The following TMEM200A variants were observed in gnomAD, a reference collection of about 807,000 sequenced individuals.
TMEM200A encodes the protein transmembrane protein 200A.
In TMEM200A, 12 loss-of-function variants were observed where a neutral mutation model predicts 24.3. The observed-to-expected ratio is 0.49, with a 90% CI of 0.32 to 0.80. TMEM200A has a LOEUF of 0.80. TMEM200A is among the 30% of genes least tolerant of loss of function. TMEM200A has a pLI of 0.04. For missense variants in TMEM200A, 545 were observed against 614.4 expected (o/e 0.89, Z 1.19); for synonymous variants, 224 against 224.4 (o/e 1.00, Z 0.02).
chr6:130,428,509 C>T lies in TMEM200A; in HGVS notation c.-16-11898C>T, dbSNP rs567783764. ...TTTACTCTCTAGTAGAGAGCTTTCT[C>T]TCTGACAGCAACTCTGAACCAATTA... is the stretch of plus-strand genomic sequence containing the variant. On this transcript the variant is annotated intron_variant, in intron 2 of 2. Coordinates refer to ENST00000296978, the MANE Select transcript of TMEM200A (RefSeq NM_001258277.2). 7.2e-5 allele frequency among the ~76,000 whole-genome samples: 11 copies of T among 152,188 alleles called. No homozygotes were observed. The South Asian group carries it at 1.5e-3, about 20-fold the overall frequency.
intron 2 of TMEM200A, among the ~76,000 whole-genome samples, chr6:130,410,566 T>C (rs1277484780): frequency 6.6e-6 from 1 of 152,186 alleles, no homozygotes; most frequent in Non-Finnish European, 1.5e-5. Flanking sequence ...AGATTTCATA[T>C]GGTATCATAA....
In TMEM200A at chr6:130,441,746, A is replaced by G; in HGVS notation, c.1324A>G (p.Arg442Gly). 6.2e-7 allele frequency: 1 copy of G among 1,614,088 alleles called. No individual in the cohort carries two copies. Among genetic ancestry groups the G allele is most frequent in the East Asian group, 2.2e-5 (1 of 44,856 alleles). ...AGAGAACAAAGAAGACCCGATGGAT[A>G]GGTTGCTTGTGCCCCAAGTTGCCAT... ...KLENKEDPMD[R>G]LLVPQVAIKK... Residue 442 changes from arginine to glycine, a missense_variant, in exon 3 of 3, where the codon AGG becomes GGG. Transcript: ENST00000296978.
intron 1 of TMEM200A, among the ~76,000 whole-genome samples, chr6:130,374,614 G>A (rs1778403693): frequency 6.6e-6 from 1 of 151,850 alleles, no homozygotes; most frequent in South Asian, 2.1e-4. Context: ...AGTAGAGATG[G>A]AGTTTCACCA....
chr6:130,393,971 A>G (rs1173863168), intron 2 of TMEM200A, among the ~76,000 whole-genome samples: 2 of 152,300 alleles, frequency 1.3e-5, no homozygotes, highest in Non-Finnish European at 2.9e-5. Context: ...ATTGAATATC[A>G]CATATGCCTC....
At chr6:130,431,779 C>T (rs913100489) in intron 2 of TMEM200A, among the ~76,000 whole-genome samples, 1 of 152,066 alleles carries the variant, frequency 6.6e-6, no homozygotes, top group Non-Finnish European at 1.5e-5. Flanking sequence ...CCATATTTTA[C>T]AGTTTGTCAG....
chr6:130,395,421 T>A (rs1462596367), intron 2 of TMEM200A, among the ~76,000 whole-genome samples: 1 of 152,184 alleles, frequency 6.6e-6, no homozygotes, highest in African/African-American at 2.4e-5. Flanking sequence ...TTCTGAAACA[T>A]TAATAGCAGA....
At chr6:130,369,370 T>G (rs1204489227) in intron 1 of TMEM200A, among the ~76,000 whole-genome samples, 1 of 152,190 alleles carries the variant, frequency 6.6e-6, no homozygotes, top group Non-Finnish European at 1.5e-5. Flanking sequence ...AAGCTCACTT[T>G]GGAAACCCTG....
intron 2 of TMEM200A, among the ~76,000 whole-genome samples, chr6:130,403,639 T>A (rs182950862): frequency 1.3e-3 from 179 of 140,142 alleles, no homozygotes; most frequent in Middle Eastern, 0.011. Flanking sequence ...GTTTTCATTT[T>A]GCTATTTTTT....
chr6:130,435,478 C>A (rs989433039), intron 2 of TMEM200A, among the ~76,000 whole-genome samples: 2 of 152,160 alleles, frequency 1.3e-5, no homozygotes, highest in African/African-American at 4.8e-5. Context: ...TACTTCAATG[C>A]CAGGTGTCCA....
At chr6:130,417,658 T>C (rs1779488054) in intron 2 of TMEM200A, among the ~76,000 whole-genome samples, 1 of 152,212 alleles carries the variant, frequency 6.6e-6, no homozygotes, top group Non-Finnish European at 1.5e-5. Context: ...TTACACTTTA[T>C]GGACCTTTGC....
At chr6:130,390,941 C>T (rs188766759) in intron 2 of TMEM200A, among the ~76,000 whole-genome samples, 14 of 152,314 alleles carry the variant, frequency 9.2e-5, no homozygotes, top group African/African-American at 3.4e-4. Context: ...TTAGCTCCAT[C>T]TGTAACCTCT....
intron 2 of TMEM200A, among the ~76,000 whole-genome samples, chr6:130,419,955 C>T (rs575752724): frequency 2.6e-5 from 4 of 152,058 alleles, no homozygotes; most frequent in Non-Finnish European, 5.9e-5. Flanking sequence ...GAAGGTGGTG[C>T]TACACATGGT....
chr6:130,375,590 T>G lies in TMEM200A; in HGVS notation c.-81+9066T>G, dbSNP rs75080146. 9.7e-3 allele frequency among the ~76,000 whole-genome samples: 1,483 copies of G among 152,306 alleles called. 101 individuals carry two copies. The East Asian group carries it at 0.16, about 16-fold the overall frequency. ...AGGGAAGTCAAGAAATCTGATGTCA[T>G]AGAGAGTGCATGCGCTCATTTAGAT... On this transcript the variant is annotated intron_variant, in intron 1 of 2. Transcript: ENST00000296978.
chr6:130,368,078 T>C (rs768839091), intron 1 of TMEM200A, among the ~76,000 whole-genome samples: 1 of 152,192 alleles, frequency 6.6e-6, no homozygotes, highest in Non-Finnish European at 1.5e-5. Flanking sequence ...GAAAGATCAT[T>C]GTAAAGAGGG....
intron 2 of TMEM200A, among the ~76,000 whole-genome samples, chr6:130,407,595 A>C (rs1375005135): frequency 6.6e-6 from 1 of 152,214 alleles, no homozygotes; most frequent in African/African-American, 2.4e-5. Context: ...GAGATACTTG[A>C]TTTGGTCAAT....
intron 1 of TMEM200A, among the ~76,000 whole-genome samples, chr6:130,382,351 C>G (rs1778619805): frequency 6.6e-6 from 1 of 152,218 alleles, no homozygotes; most frequent in African/African-American, 2.4e-5. Context: ...TACACTTGCC[C>G]TGTGCACATG....
chr6:130,418,638 C>T (rs1779511858), intron 2 of TMEM200A, among the ~76,000 whole-genome samples: 1 of 152,084 alleles, frequency 6.6e-6, no homozygotes, highest in Non-Finnish European at 1.5e-5. Flanking sequence ...GCTTAGAGTA[C>T]ATTTAGTCAT....
intron 2 of TMEM200A, among the ~76,000 whole-genome samples, chr6:130,404,244 A>T (rs1038629754): frequency 6.6e-6 from 1 of 152,194 alleles, no homozygotes; most frequent in African/African-American, 2.4e-5. Flanking sequence ...GTCTCTGAAG[A>T]ATTGCCACAC....
At chr6:130,425,783 C>T (rs1462834866) in intron 2 of TMEM200A, among the ~76,000 whole-genome samples, 1 of 152,056 alleles carries the variant, frequency 6.6e-6, no homozygotes, top group African/African-American at 2.4e-5. Context: ...TTAAGTGAGC[C>T]AGTATGTGAA....
Sources: allele counts gnomAD v4.1 joint callset (sites outside exome capture counted in the v4.1 genomes callset), GRCh38; gene constraint gnomAD v4.1.1; transcripts MANE v1.5; gene names NCBI Gene and HGNC (gene_info 2026-07-23, HGNC 2026-07-21).